C12orf42: variants seen among roughly 807,000 people sequenced by gnomAD.
C12orf42 encodes chromosome 12 open reading frame 42.
A neutral mutation model predicts 21.6 loss-of-function variants in C12orf42; 25 were observed. The ratio of observed to expected loss-of-function variants is 1.16; its 90% CI spans 0.84 to 1.62. C12orf42 has a LOEUF of 1.62. Ranked by LOEUF, C12orf42 falls within the 40% of genes most tolerant of loss-of-function variation. C12orf42 has a pLI of 0.00. For missense variants in C12orf42, 483 were observed against 459.3 expected (o/e 1.05, Z -0.47); for synonymous variants, 174 against 175.0 (o/e 0.99, Z 0.05).
At chr12:103,279,890 C>A (rs1037147087) in intron 4 of C12orf42, among the ~76,000 whole-genome samples, 1 of 152,098 alleles carries the variant, frequency 6.6e-6, no homozygotes, top group Non-Finnish European at 1.5e-5. Context: ...TTTCATGGTG[C>A]TCTGTTTAGG....
the C12orf42 span, among the ~76,000 whole-genome samples, chr12:103,105,617 C>T: frequency 2.0e-5 from 3 of 152,104 alleles, no homozygotes; most frequent in African/African-American, 7.2e-5. Context: ...ATGTAACAAA[C>T]CTGCACATAT....
At chr12:103,091,839 A>G in the C12orf42 span, among the ~76,000 whole-genome samples, 1 of 152,140 alleles carries the variant, frequency 6.6e-6, no homozygotes, top group Non-Finnish European at 1.5e-5. Context: ...TTGTTTTCTT[A>G]CAAGACCAAA....
At chr12:103,339,731 T>C (rs74687920) in intron 4 of C12orf42, among the ~76,000 whole-genome samples, 1,848 of 152,316 alleles carry the variant, frequency 0.012, 27 homozygotes, top group African/African-American at 0.035. Flanking sequence ...GGAACACTTA[T>C]ACACTGTTGG....
the C12orf42 span, among the ~76,000 whole-genome samples, chr12:103,136,509 A>T: frequency 1.4e-4 from 21 of 152,174 alleles, no homozygotes; most frequent in Non-Finnish European, 2.5e-4. Flanking sequence ...TACAAATATA[A>T]TTTTTCACAG....
Position 103,307,007 on chromosome 12 carries a change from G to A in C12orf42, c.260-662C>T, listed in dbSNP as rs1314477214. ...ACACCTGGGCTACCAGGAGATGGAA[G>A]AAGCCACAAGGAAGATCCTACCCTA... On this transcript the variant is annotated intron_variant, in intron 4 of 5. Coordinates refer to ENST00000548883, the MANE Select transcript of C12orf42 (RefSeq NM_198521.5). Among the ~76,000 whole-genome samples, 10 of 152,280 alleles carry A rather than the reference G, an allele frequency of 6.6e-5. No homozygotes were observed. The East Asian group carries it at 1.9e-3, about 29-fold the overall frequency.
At position 103,302,295 on chromosome 12, in the gene C12orf42, G is replaced by T. The variant is rs2037751206; in HGVS notation, c.896C>A (p.Ala299Glu). The change falls in exon 6 of 6, where the codon GCG becomes GAG. Residue 299 changes from alanine (A) to glutamate (E), a missense_variant. Transcript: ENST00000548883. ...CAGATTGCCATGGAGGGAGGTGTCC[G>T]CCTGAGGCCTCCTGTCCCGCGGGGT... is the stretch of plus-strand genomic sequence containing the variant. The part of the protein sequence containing the change: ...PHTPRDRRPQ[A>E]DTSLHGNLAG... 1 of 1,613,496 alleles carries T rather than the reference G, an allele frequency of 6.2e-7. No homozygotes were observed. Among genetic ancestry groups the T allele is most frequent in the Non-Finnish European group, 8.5e-7 (1 of 1,179,612 alleles).
chr12:103,098,158 A>G, the C12orf42 span, among the ~76,000 whole-genome samples: 1 of 152,240 alleles, frequency 6.6e-6, no homozygotes, highest in East Asian at 1.9e-4. Context: ...AGGTAAATTT[A>G]TGGTTCCGCC....
intron 4 of C12orf42, among the ~76,000 whole-genome samples, chr12:103,357,606 T>A (rs1390340697): frequency 6.6e-6 from 1 of 152,060 alleles, no homozygotes; most frequent in Non-Finnish European, 1.5e-5. Flanking sequence ...ATCATGATCA[T>A]AACTAGGAGA....
At chr12:103,064,639 C>A in the C12orf42 span, among the ~76,000 whole-genome samples, 2 of 152,232 alleles carry the variant, frequency 1.3e-5, no homozygotes, top group Non-Finnish European at 2.9e-5. Flanking sequence ...GAGGCCGGGT[C>A]CCCTTGGGGA....
chr12:103,288,404 AG>A (rs2036602540), intron 4 of C12orf42, among the ~76,000 whole-genome samples: 1 of 152,216 alleles, frequency 6.6e-6, no homozygotes, highest in Non-Finnish European at 1.5e-5. Flanking sequence ...GACTCACCAA[AG>A]AAATGGGATA....
At chr12:103,304,907 T>C (rs1392685413) in intron 5 of C12orf42, among the ~76,000 whole-genome samples, 5 of 152,166 alleles carry the variant, frequency 3.3e-5, no homozygotes, top group African/African-American at 1.2e-4. Flanking sequence ...TTGTATTGAG[T>C]CAAAATCTAT....
chr12:103,195,069 T>C, the C12orf42 span, among the ~76,000 whole-genome samples: 2 of 152,338 alleles, frequency 1.3e-5, no homozygotes, highest in East Asian at 3.9e-4. Context: ...TGTTACTGTG[T>C]TAATTTGGTT....
chr12:103,534,388 C>T, the C12orf42 span, among the ~76,000 whole-genome samples: 1 of 152,148 alleles, frequency 6.6e-6, no homozygotes, highest in South Asian at 2.1e-4. Flanking sequence ...ACATGCCAAG[C>T]GAGACTAAAG....
the C12orf42 span, among the ~76,000 whole-genome samples, chr12:103,210,942 T>C: frequency 6.6e-6 from 1 of 152,064 alleles, no homozygotes; most frequent in Non-Finnish European, 1.5e-5. Context: ...AGAGCTATGA[T>C]CGCACCACAT....
intron 5 of C12orf42, among the ~76,000 whole-genome samples, chr12:103,276,824 A>G (rs556252513): frequency 3.3e-5 from 5 of 152,338 alleles, no homozygotes; most frequent in East Asian, 1.9e-4. Flanking sequence ...AGGAGTTTTC[A>G]TAGTTGTTTT....
chr12:103,267,761 A>G (rs192910079), downstream of C12orf42: 1 of 152,260 alleles, frequency 6.6e-6, no homozygotes, highest in Non-Finnish European at 1.5e-5. Flanking sequence ...TGGAAGGATA[A>G]ATTTAAAAAT....
intron 4 of C12orf42, among the ~76,000 whole-genome samples, chr12:103,355,997 T>G (rs1035639479): frequency 6.6e-6 from 1 of 152,120 alleles, no homozygotes; most frequent in African/African-American, 2.4e-5. Context: ...GATATTATCA[T>G]GATCCTCATT....
chr12:103,110,700 T>C, the C12orf42 span, among the ~76,000 whole-genome samples: 1 of 152,234 alleles, frequency 6.6e-6, no homozygotes, highest in African/African-American at 2.4e-5. Flanking sequence ...TGAGTTATAA[T>C]ACAAATAAAC....
At chr12:103,304,464 CAA>C (rs1414480454) in intron 5 of C12orf42, among the ~76,000 whole-genome samples, 1 of 151,942 alleles carries the variant, frequency 6.6e-6, no homozygotes. Context: ...CATTTCAAGT[CAA>C]AGACTTGAAA....
Sources: gnomAD v4.1 joint callset for allele counts (sites outside exome capture counted in the v4.1 genomes callset) on GRCh38, gnomAD v4.1.1 for gene constraint, MANE v1.5 for transcripts, NCBI Gene and HGNC (gene_info 2026-07-23, HGNC 2026-07-21) for gene names.